Variants in MCF2L observed in about 807,000 individuals in gnomAD.
MCF2L encodes the protein MCF.2 cell line derived transforming sequence like.
MCF2L carries 97 observed loss-of-function variants against 153.4 expected under a neutral mutation model. That is an observed-to-expected ratio of 0.63 (90% CI 0.54 to 0.75). The LOEUF (loss-of-function observed/expected upper bound fraction) is 0.75. MCF2L is among the 30% of genes least tolerant of loss of function. The pLI is 0.00. For missense variants in MCF2L, 1,347 were observed against 1,495.2 expected, an observed-to-expected ratio of 0.90 and a Z score of 1.64; for synonymous variants, 659 against 632.2, an observed-to-expected ratio of 1.04 and a Z score of -0.64.
chr13:112,895,543 G>C lies in MCF2L; in HGVS notation c.-5+1112G>C, dbSNP rs576582758. ...CTAGCCCCCAGGACTCCTAACATGC[G>C]AACTGTGGAGCGAGGGGTCCAGGGC... On this transcript the variant is annotated intron_variant, in intron 1 of 29. Transcript: ENST00000375608. 3.9e-5 allele frequency among the ~76,000 whole-genome samples: 6 copies of C among 152,236 alleles called. No homozygotes were observed. In the East Asian group the frequency reaches 1.2e-3, roughly 30 times the overall value.
At position 112,993,794 on chromosome 13, in the gene MCF2L, G is replaced by A. The variant is rs1298230373; in HGVS notation, c.80-20969G>A. On this transcript the variant is annotated intron_variant, in intron 1 of 29. Coordinates refer to ENST00000535094, the MANE Select transcript of MCF2L (RefSeq NM_001112732.3). This position sits in a 1 kb window ranked among gnomAD's most constrained non-coding sequence, Gnocchi z 4.6. ...GTGTGAGCTGGGAATGGGGTCCTGG[G>A]TGAAGATGACACCACAGATACCTTG... Among the ~76,000 whole-genome samples, 1 of 152,134 alleles carries A rather than the reference G, an allele frequency of 6.6e-6. No individual in the cohort carries two copies. Among genetic ancestry groups the A allele is most frequent in the Non-Finnish European group, 1.5e-5 (1 of 68,026 alleles).
chr13:112,944,671 A>T (rs2993341), intron 2 of MCF2L, among the ~76,000 whole-genome samples: 54,851 of 148,740 alleles, frequency 0.37, 10,230 homozygotes, highest in East Asian at 0.62. Context: ...TATTTTTAGT[A>T]GAGATGGGGT....
chr13:112,955,436 T>G (rs2081745593), intron 2 of MCF2L, among the ~76,000 whole-genome samples: 1 of 152,220 alleles, frequency 6.6e-6, no homozygotes, highest in Admixed American at 6.5e-5. Flanking sequence ...TGTCTGAACG[T>G]TGTGACATTG....
rs1191029719 is a variant in MCF2L at position 113,065,097 on chromosome 13, G to A, written c.756+12G>A. ...AGGACAAGGCGAAGGTACATGGGGG[G>A]TGCTCCGGCTGGAAGCTGTGGGGGG... On this transcript the variant is annotated intron_variant, in intron 7 of 29. Transcript: ENST00000535094. The A allele has an allele frequency of 1.3e-6, 2 of 1,596,700 alleles. No individual in the cohort carries two copies. Among genetic ancestry groups the A allele is most frequent in the South Asian group, 2.2e-5 (2 of 90,576 alleles).
chr13:112,937,085 G>A (rs555939053), intron 2 of MCF2L, among the ~76,000 whole-genome samples: 30 of 152,044 alleles, frequency 2.0e-4, no homozygotes, highest in Middle Eastern at 6.8e-3. Flanking sequence ...ATAGAGTCTC[G>A]CTTTGTCCCC....
Position 112,907,698 on chromosome 13 carries a change from T to A in MCF2L, c.169+5327T>A, listed in dbSNP as rs1247430066. 3.3e-5 allele frequency among the ~76,000 whole-genome samples: 5 copies of A among 152,232 alleles called. No homozygotes were observed. The highest frequency in any genetic ancestry group is 7.3e-5 in the Non-Finnish European group (5 of 68,044). On this transcript the variant is annotated intron_variant, in intron 2 of 29. Coordinates refer to the MCF2L transcript ENST00000375608. The surrounding 1 kb of genome is among the most constrained non-coding windows in gnomAD (Gnocchi z 5.1). ...TTTGGTAGACTCTGGACTTGAAACT[T>A]CCTGGTTCTTCATGCAGTTCTCAAA... is the stretch of plus-strand genomic sequence containing the variant.
intron 12 of MCF2L, 97 bp from the exon 13 acceptor site, chr13:113,076,955 G>A (rs2033554230): frequency 7.6e-7 from 1 of 1,317,898 alleles, no homozygotes; most frequent in African/African-American, 1.5e-5. Flanking sequence ...ATTTAAAGCG[G>A]GGGTTGGGCG....
At chr13:113,018,593 G>A (rs896740984) in intron 2 of MCF2L, among the ~76,000 whole-genome samples, 57 of 152,288 alleles carry the variant, frequency 3.7e-4, no homozygotes, top group African/African-American at 1.3e-3. Flanking sequence ...GTCGGAGCAG[G>A]CCCCGAGGAG....
intron 1 of MCF2L, among the ~76,000 whole-genome samples, chr13:112,895,581 C>T (rs990562436): frequency 2.0e-5 from 3 of 152,134 alleles, no homozygotes; most frequent in Admixed American, 6.5e-5. Context: ...GTCGTGAGAA[C>T]GGAGTGCACA....
rs2031988687 is a variant in MCF2L at position 113,064,115 on chromosome 13, C to T, written c.490-189C>T. ...ACGCCACCACGAGAGGAGGTGTCGG[C>T]GGGGCGCTGAGCTGCATCCCATCCG... is the stretch of plus-strand genomic sequence containing the variant. On this transcript the variant is annotated intron_variant, in intron 5 of 29. Coordinates refer to ENST00000535094, the MANE Select transcript of MCF2L (RefSeq NM_001112732.3). This position sits in a 1 kb window ranked among gnomAD's most constrained non-coding sequence, Gnocchi z 6.0. Among the ~76,000 whole-genome samples the T allele has an allele frequency of 6.6e-6, 1 of 152,336 alleles. No homozygotes were observed. The highest frequency in any genetic ancestry group is 2.1e-4 in the South Asian group (1 of 4,830).
intron 13 of MCF2L, among the ~76,000 whole-genome samples, chr13:113,078,045 C>T (rs1183775604): frequency 2.0e-5 from 3 of 152,192 alleles, no homozygotes; most frequent in East Asian, 1.9e-4. Context: ...TCCCCCTTCC[C>T]GCACCACCAC....
intron 2 of MCF2L, among the ~76,000 whole-genome samples, chr13:112,905,587 A>G (rs2081164957): frequency 6.6e-6 from 1 of 152,204 alleles, no homozygotes; most frequent in Non-Finnish European, 1.5e-5. Flanking sequence ...CCCTGCCCCC[A>G]GCTCGACACC....
At position 112,993,307 on chromosome 13, in the gene MCF2L, G is replaced by A. The variant is rs572036824; in HGVS notation, c.80-21456G>A. On this transcript the variant is annotated intron_variant, in intron 1 of 29. Transcript: ENST00000535094. This position sits in a 1 kb window ranked among gnomAD's most constrained non-coding sequence, Gnocchi z 4.6. ...AACATGGTGGGTGTTCCTGGGCAGAGGCTTGGTGGGCAGTAGGGGCCGACC... is the reference window on the plus strand; with the variant it reads ...AACATGGTGGGTGTTCCTGGGCAGAAGCTTGGTGGGCAGTAGGGGCCGACC... Among the ~76,000 whole-genome samples, 44 of 152,358 alleles carry A rather than the reference G, an allele frequency of 2.9e-4. No homozygotes were observed. Among genetic ancestry groups the A allele is most frequent in the African/African-American group, 9.4e-4 (39 of 41,586 alleles).
chr13:113,095,920 A>T, intron 27 of MCF2L: 1 of 552,168 alleles, frequency 1.8e-6, no homozygotes, highest in Non-Finnish European at 2.5e-6. Context: ...CCACTCTTAC[A>T]GTGAGGAGAG....
intron 2 of MCF2L, chr13:112,909,346 G>C: frequency 1.3e-6 from 1 of 777,876 alleles, no homozygotes; most frequent in South Asian, 1.3e-5. Flanking sequence ...TGTGTCTACA[G>C]ACCCGGCCTC....
At chr13:112,920,786 G>C (rs565700550) in intron 2 of MCF2L, among the ~76,000 whole-genome samples, 20 of 152,180 alleles carry the variant, frequency 1.3e-4, no homozygotes, top group Admixed American at 7.2e-4. Context: ...AAGGTGGAGA[G>C]GAGGAAGAGC....
At chr13:112,918,556 C>G (rs1316446826) in intron 2 of MCF2L, among the ~76,000 whole-genome samples, 2 of 152,072 alleles carry the variant, frequency 1.3e-5, no homozygotes, top group African/African-American at 4.8e-5. Context: ...AAAACCTAGG[C>G]CTGGGGGGAT....
intron 5 of MCF2L, 28 bp downstream of exon 5, chr13:113,060,740 G>A (rs955833611): frequency 1.2e-6 from 2 of 1,609,264 alleles, no homozygotes; most frequent in African/African-American, 1.3e-5. Context: ...CCATCCTGCG[G>A]TAGCAGAACG....
At chr13:112,997,919 C>T (rs1217463159) in intron 1 of MCF2L, among the ~76,000 whole-genome samples, 2 of 152,368 alleles carry the variant, frequency 1.3e-5, no homozygotes, top group South Asian at 2.1e-4. Flanking sequence ...CTGATTGGGA[C>T]AGGGCAGGAG....
Sources: allele counts gnomAD v4.1 joint callset (sites outside exome capture counted in the v4.1 genomes callset), GRCh38; gene constraint gnomAD v4.1.1; non-coding constraint Gnocchi (gnomAD v3.1); transcripts MANE v1.5; gene names NCBI Gene and HGNC (gene_info 2026-07-23, HGNC 2026-07-21).